KCNIP1: variants seen among roughly 807,000 people sequenced by gnomAD.
KCNIP1 encodes potassium voltage-gated channel interacting protein 1.
A neutral mutation model predicts 33.0 loss-of-function variants in KCNIP1; 18 were observed. That is an observed-to-expected ratio of 0.55 (90% confidence interval 0.38 to 0.81). KCNIP1 has a LOEUF of 0.81. Ranked by LOEUF, KCNIP1 falls within the 30% of genes least tolerant of loss-of-function variation. KCNIP1 has a pLI of 0.00. For synonymous variants in KCNIP1, 93 were observed against 98.3 expected (o/e 0.95, Z 0.32); for missense variants, 238 against 271.6 (o/e 0.88, Z 0.87).
intron 1 of KCNIP1, among the ~76,000 whole-genome samples, chr5:170,574,060 T>A (rs1757512058): frequency 6.6e-6 from 1 of 152,196 alleles, no homozygotes; most frequent in South Asian, 2.1e-4. Flanking sequence ...AATAGCTGGG[T>A]TTTTTACTTT....
intron 1 of KCNIP1, among the ~76,000 whole-genome samples, chr5:170,386,852 C>A (rs1230673943): frequency 2.0e-5 from 3 of 152,096 alleles, no homozygotes; most frequent in Non-Finnish European, 4.4e-5. Context: ...TCTCCTCTTT[C>A]TTTAGGCAGC....
chr5:170,694,640 G>T (rs1762831585), intron 1 of KCNIP1, among the ~76,000 whole-genome samples: 1 of 152,178 alleles, frequency 6.6e-6, no homozygotes, highest in Non-Finnish European at 1.5e-5. Context: ...TAATCTTCCT[G>T]AGATTGGTTA....
chr5:170,467,984 T>G (rs2113125862), intron 1 of KCNIP1, among the ~76,000 whole-genome samples: 2 of 151,768 alleles, frequency 1.3e-5, no homozygotes, highest in South Asian at 4.2e-4. Context: ...ATTCTTTCTA[T>G]TAAGATATTT....
At chr5:170,655,245 G>A (rs1761213452) in intron 1 of KCNIP1, among the ~76,000 whole-genome samples, 1 of 152,134 alleles carries the variant, frequency 6.6e-6, no homozygotes, top group South Asian at 2.1e-4. Flanking sequence ...ATTAGATGAG[G>A]AAGTCAGAGT....
intron 1 of KCNIP1, among the ~76,000 whole-genome samples, chr5:170,541,518 G>A (rs1019612863): frequency 6.6e-6 from 1 of 152,174 alleles, no homozygotes; most frequent in Non-Finnish European, 1.5e-5. Context: ...ATGTGGGCTG[G>A]GCTATTCAAC....
At chr5:170,499,984 C>G (rs905696402), upstream of KCNIP1, among the ~76,000 whole-genome samples, 1 of 152,088 alleles carries the variant, frequency 6.6e-6, no homozygotes, top group East Asian at 1.9e-4. Context: ...GCTTGGAATG[C>G]CTTCAAAAAA....
intron 1 of KCNIP1, among the ~76,000 whole-genome samples, chr5:170,663,934 T>C (rs1230382361): frequency 6.6e-6 from 1 of 151,720 alleles, no homozygotes; most frequent in African/African-American, 2.4e-5. Context: ...CTCAATCCTA[T>C]CTGCACCCTC....
In KCNIP1 at chr5:170,357,590, T is replaced by C. The variant is rs567312806; in HGVS notation, c.88+3626T>C. Among the ~76,000 whole-genome samples, 4 of 152,318 alleles carry C rather than the reference T, an allele frequency of 2.6e-5. No individual in the cohort carries two copies. The South Asian group carries it at 8.3e-4, about 32-fold the overall frequency. ...CTGTTCCCCAGGCTGAGTGCAGTGA[T>C]GCAATCACGGCTCACTGCAGCCTCG... is the stretch of plus-strand genomic sequence containing the variant. On this transcript the variant is annotated intron_variant, in intron 1 of 7. Transcript: ENST00000377360.
intron 1 of KCNIP1, among the ~76,000 whole-genome samples, chr5:170,541,364 C>G (rs1256830870): frequency 6.6e-6 from 1 of 152,178 alleles, no homozygotes; most frequent in Non-Finnish European, 1.5e-5. Flanking sequence ...TTTCTCAGTC[C>G]TTCTGACTGT....
chr5:170,663,206 G>A (rs10051012), intron 1 of KCNIP1, among the ~76,000 whole-genome samples: 14,028 of 152,236 alleles, frequency 0.092, 719 homozygotes, highest in South Asian at 0.1. Context: ...GGAATGACTT[G>A]TCCATGGTCA....
chr5:170,441,924 C>T (rs1215079387), intron 1 of KCNIP1, among the ~76,000 whole-genome samples: 1 of 140,464 alleles, frequency 7.1e-6, no homozygotes, highest in Non-Finnish European at 1.5e-5. Flanking sequence ...TGCACTCCAG[C>T]CTGGGTGACA....
intron 1 of KCNIP1, among the ~76,000 whole-genome samples, chr5:170,546,095 CT>C (rs1756398233): frequency 6.6e-6 from 1 of 152,206 alleles, no homozygotes; most frequent in Non-Finnish European, 1.5e-5. Context: ...CCACCTCTGG[CT>C]TTTCCCATTT....
At chr5:170,586,004 A>G (rs749390206) in intron 1 of KCNIP1, among the ~76,000 whole-genome samples, 1 of 152,138 alleles carries the variant, frequency 6.6e-6, no homozygotes, top group Non-Finnish European at 1.5e-5. Context: ...GGTTAGATGT[A>G]TCTGCTTCCA....
chr5:170,540,878 G>T (rs1323071795), intron 1 of KCNIP1, among the ~76,000 whole-genome samples: 1 of 152,186 alleles, frequency 6.6e-6, no homozygotes, highest in East Asian at 1.9e-4. Context: ...TGGCCACACC[G>T]AAAGGTAGGT....
chr5:170,379,556 C>A (rs1764152066), intron 1 of KCNIP1, among the ~76,000 whole-genome samples: 1 of 152,106 alleles, frequency 6.6e-6, no homozygotes, highest in Non-Finnish European at 1.5e-5. Context: ...CAGGGCCTGT[C>A]AATAGGGAGA....
chr5:170,417,960 A>T (rs1264140199), intron 1 of KCNIP1, among the ~76,000 whole-genome samples: 1 of 152,128 alleles, frequency 6.6e-6, no homozygotes, highest in Non-Finnish European at 1.5e-5. Context: ...CCTGATGCCC[A>T]CCACAGGAGT....
At chr5:170,616,960 G>A (rs1394364522) in intron 1 of KCNIP1, among the ~76,000 whole-genome samples, 1 of 151,928 alleles carries the variant, frequency 6.6e-6, no homozygotes, top group Non-Finnish European at 1.5e-5. Flanking sequence ...GATTTTCCCT[G>A]TTCATCACCC....
At position 170,717,246 on chromosome 5, in the gene KCNIP1, T is replaced by A. The variant is rs1581538601; in HGVS notation, c.62-1512T>A. Reference sequence around the variant, plus strand: ...TCTGAATTAGACTTATGTGAATTTTTCTCCTTTTCTTTCTTTCTTTTTGAG... The same window carrying A: ...TCTGAATTAGACTTATGTGAATTTTACTCCTTTTCTTTCTTTCTTTTTGAG... On this transcript the variant is annotated intron_variant, in intron 1 of 7. Transcript: ENST00000328939. 2.0e-5 allele frequency among the ~76,000 whole-genome samples: 3 copies of A among 152,356 alleles called. No homozygotes were observed. In the East Asian group the frequency reaches 5.8e-4, roughly 29 times the overall value.
chr5:170,538,919 T>C (rs1395792202), intron 1 of KCNIP1, among the ~76,000 whole-genome samples: 3 of 151,908 alleles, frequency 2.0e-5, no homozygotes, highest in African/African-American at 7.3e-5. Flanking sequence ...CTTTATGAGA[T>C]TTTCCTCCAC....
Sources: allele counts gnomAD v4.1 joint callset (sites outside exome capture counted in the v4.1 genomes callset), GRCh38; gene constraint gnomAD v4.1.1; transcripts MANE v1.5; gene names NCBI Gene and HGNC (gene_info 2026-07-23, HGNC 2026-07-21).